TLN2: variants seen among roughly 807,000 people sequenced by gnomAD.
TLN2 encodes talin-2.
TLN2 carries 118 observed loss-of-function variants against 294.7 expected under a neutral mutation model. The observed-to-expected ratio is 0.40, with a 90% CI of 0.34 to 0.47. The LOEUF is 0.47. Ranked by LOEUF, TLN2 falls within the 20% of genes least tolerant of loss-of-function variation. The probability of loss-of-function intolerance (pLI) is 0.84; values close to 1 mark genes in which losing one functional copy is unlikely to be tolerated. For synonymous variants in TLN2, 1,431 were observed against 1,304.5 expected (o/e 1.10, Z -2.09); for missense variants, 3,083 against 3,282.2 (o/e 0.94, Z 1.48).
chr15:62,413,663 A>C (rs1395136485), intron 1 of TLN2, among the ~76,000 whole-genome samples: 2 of 152,218 alleles, frequency 1.3e-5, no homozygotes, highest in East Asian at 3.8e-4. Flanking sequence ...GTGCACATTA[A>C]GTTTTTAAAA....
chr15:62,748,310 T>A, intron 32 of TLN2, 41 bp from the exon 33 acceptor site: 1 of 1,428,144 alleles, frequency 7.0e-7, no homozygotes, highest in Non-Finnish European at 9.7e-7. Context: ...AAATTACTGT[T>A]GATCTTCAAA....
intron 50 of TLN2, among the ~76,000 whole-genome samples, chr15:62,804,845 A>G (rs2066162019): frequency 6.6e-6 from 1 of 152,186 alleles, no homozygotes; most frequent in South Asian, 2.1e-4. Flanking sequence ...AAGACAGGGT[A>G]GCCCCACCTA....
At chr15:62,647,677 C>A (rs182549452) in intron 4 of TLN2, among the ~76,000 whole-genome samples, 2 of 152,298 alleles carry the variant, frequency 1.3e-5, no homozygotes, top group East Asian at 3.9e-4. Flanking sequence ...TTGACCCTCC[C>A]ATGCATGAGG....
intron 1 of TLN2, among the ~76,000 whole-genome samples, chr15:62,508,770 A>G (rs1444920131): frequency 6.6e-6 from 1 of 152,098 alleles, no homozygotes; most frequent in East Asian, 1.9e-4. Flanking sequence ...ATTTAGATTC[A>G]TGTTTCTCTA....
intron 3 of TLN2, among the ~76,000 whole-genome samples, chr15:62,626,811 G>T (rs1270983428): frequency 6.6e-6 from 1 of 152,190 alleles, no homozygotes; most frequent in African/African-American, 2.4e-5. Flanking sequence ...TCAGATATCT[G>T]TGTCTACTGG....
chr15:62,790,948 G>T (rs2065031970), intron 45 of TLN2, among the ~76,000 whole-genome samples: 4 of 152,206 alleles, frequency 2.6e-5, no homozygotes, highest in African/African-American at 9.7e-5. Context: ...CATGGAGGTA[G>T]TCAACAAGAC....
chr15:62,577,335 T>G (rs1221807320), intron 1 of TLN2, among the ~76,000 whole-genome samples: 1 of 151,906 alleles, frequency 6.6e-6, no homozygotes, highest in African/African-American at 2.4e-5. Flanking sequence ...CCCAGCTACT[T>G]TGGGAGGCTG....
chr15:62,759,336 C>CTATTCTAG, intron 37 of TLN2, among the ~76,000 whole-genome samples: 1 of 152,298 alleles, frequency 6.6e-6, no homozygotes, highest in Non-Finnish European at 1.5e-5. Context: ...ATATGGCTTG[C>CTATTCTAG]TATTCTAGTT....
intron 2 of TLN2, among the ~76,000 whole-genome samples, chr15:62,595,245 C>A (rs141955225): frequency 2.6e-5 from 4 of 151,944 alleles, no homozygotes; most frequent in Non-Finnish European, 5.9e-5. Flanking sequence ...CATGGTGAAA[C>A]CCCGTCTCTA....
At chr15:62,447,051 GT>G (rs537326844) in intron 1 of TLN2, among the ~76,000 whole-genome samples, 2 of 152,262 alleles carry the variant, frequency 1.3e-5, no homozygotes, top group South Asian at 4.1e-4. Context: ...AAATCAAACA[GT>G]TTATTTGTTA....
intron 1 of TLN2, among the ~76,000 whole-genome samples, chr15:62,531,503 G>A (rs1168065652): frequency 1.3e-5 from 2 of 152,092 alleles, no homozygotes; most frequent in Non-Finnish European, 2.9e-5. Context: ...GTGGTGAAGT[G>A]AATATAGTAA....
chr15:62,749,620 A>G (rs2061808901), intron 33 of TLN2, among the ~76,000 whole-genome samples: 1 of 151,912 alleles, frequency 6.6e-6, no homozygotes, highest in Non-Finnish European at 1.5e-5. Context: ...CCAGCCCCCC[A>G]CCAGCCTTTG....
rs138708550 is a variant in TLN2 at position 62,762,331 on chromosome 15, G to A, written c.4839G>A (p.Ser1613=). 1.7e-5 allele frequency: 28 copies of A among 1,614,030 alleles called. No homozygotes were observed. In the African/African-American group the frequency reaches 2.7e-4, roughly 15 times the overall value. ...VSAKTMLESS[S]YLIRTARSLA... The stretch of plus-strand genomic sequence containing the variant: ...CCAAGACCATGCTGGAGAGTTCATC[G>A]TACCTCATTCGCACTGCACGCTCTC... The change falls in exon 39 of 59, where the codon TCG becomes TCA. Residue 1613 remains serine (S), a synonymous_variant. Coordinates refer to ENST00000636159, the MANE Select transcript of TLN2 (RefSeq NM_015059.3).
chr15:62,622,495 C>A (rs2048919386), intron 3 of TLN2, among the ~76,000 whole-genome samples: 2 of 152,172 alleles, frequency 1.3e-5, no homozygotes, highest in Non-Finnish European at 2.9e-5. Context: ...GTATTAAGCA[C>A]TTGCCCCTTG....
chr15:62,781,894 T>C (rs985472213), intron 44 of TLN2, among the ~76,000 whole-genome samples: 1 of 152,236 alleles, frequency 6.6e-6, no homozygotes, highest in Non-Finnish European at 1.5e-5. Context: ...TTCTTAGATA[T>C]AAATGGCATT....
At chr15:62,638,696 T>C in intron 3 of TLN2, 1 of 449,960 alleles carries the variant, frequency 2.2e-6, no homozygotes, top group Non-Finnish European at 4.5e-6. Flanking sequence ...CTTTGGTTCT[T>C]GGTGGAGGGT....
At chr15:62,450,586 T>C (rs1300829) in intron 1 of TLN2, among the ~76,000 whole-genome samples, 91,621 of 151,104 alleles carry the variant, frequency 0.61, 29,291 homozygotes, top group East Asian at 0.98. Flanking sequence ...TGTGTGTGTG[T>C]GTGTTTGAGA....
At position 62,783,882 on chromosome 15, in the gene TLN2, C is replaced by G; in HGVS notation, c.5728C>G (p.Pro1910Ala). 6.2e-7 allele frequency: 1 copy of G among 1,613,996 alleles called. No individual in the cohort carries two copies. Among genetic ancestry groups the G allele is most frequent in the Non-Finnish European group, 8.5e-7 (1 of 1,179,978 alleles). ...QGQMAAATAE[P>A]EEIGFQIRTR... ...CCAGATGGCAGCAGCCACGGCGGAA[C>G]CAGAGGAGGTCTGCCACCTTAAGAC... The change falls in exon 45 of 59, where the codon CCA becomes GCA. Residue 1910 changes from proline to alanine, a missense_variant. Physicochemically the swap from Pro to Ala is conservative, Grantham distance 27. Transcript: ENST00000636159.
chr15:62,418,958 C>A (rs1333247157), intron 1 of TLN2, among the ~76,000 whole-genome samples: 3 of 152,180 alleles, frequency 2.0e-5, no homozygotes, highest in Non-Finnish European at 4.4e-5. Flanking sequence ...GATGGCTTAG[C>A]TTGGGCTCAG....
Sources: gnomAD v4.1 joint callset for allele counts (sites outside exome capture counted in the v4.1 genomes callset) on GRCh38, gnomAD v4.1.1 for gene constraint, MANE v1.5 for transcripts, NCBI Gene and HGNC (gene_info 2026-07-23, HGNC 2026-07-21) for gene names.